PDS5B: variants seen among roughly 807,000 people sequenced by gnomAD.
PDS5B encodes the protein sister chromatid cohesion protein PDS5 homolog B.
Under a neutral mutation model 184.1 loss-of-function variants are expected in PDS5B, and 51 were observed. That is an observed-to-expected ratio of 0.28 (90% confidence interval 0.22 to 0.35). The LOEUF is 0.35. Ranked by LOEUF, PDS5B falls within the 10% of genes least tolerant of loss-of-function variation. PDS5B has a pLI of 1.00. For synonymous variants in PDS5B, 566 were observed against 569.2 expected, an observed-to-expected ratio of 0.99 and a Z score of 0.08; for missense variants, 1,180 against 1,723.3, an observed-to-expected ratio of 0.68 and a Z score of 5.58.
chr13:32,752,761 G>GTA (rs1317760474), intron 24 of PDS5B, among the ~76,000 whole-genome samples: 2 of 152,168 alleles, frequency 1.3e-5, no homozygotes, highest in Non-Finnish European at 2.9e-5. Context: ...CCTGGTTTAA[G>GTA]TATAGAAGTC....
intron 1 of PDS5B, among the ~76,000 whole-genome samples, chr13:32,640,633 T>G (rs1472534945): frequency 1.3e-5 from 2 of 152,202 alleles, no homozygotes; most frequent in African/African-American, 4.8e-5. Flanking sequence ...ATTTTTGAAC[T>G]GAATTGTTTT....
chr13:32,715,690 G>T (rs895841685), intron 19 of PDS5B, among the ~76,000 whole-genome samples: 2 of 151,618 alleles, frequency 1.3e-5, no homozygotes, highest in Non-Finnish European at 2.9e-5. Flanking sequence ...CTCTTTCCAC[G>T]GTCTCCCTCT....
At chr13:32,669,680 T>G (rs943153889) in intron 7 of PDS5B, among the ~76,000 whole-genome samples, 3 of 152,188 alleles carry the variant, frequency 2.0e-5, no homozygotes, top group Admixed American at 6.5e-5. Flanking sequence ...CTCCCCAAAC[T>G]TTCATATTAT....
At chr13:32,740,026 A>G (rs1953483775) in intron 21 of PDS5B, among the ~76,000 whole-genome samples, 1 of 152,046 alleles carries the variant, frequency 6.6e-6, no homozygotes, top group African/African-American at 2.4e-5. Flanking sequence ...GTTTATACTA[A>G]TTTAGTTTTT....
Position 32,759,264 on chromosome 13 carries a change from A to C in PDS5B, c.3310-364A>C, listed in dbSNP as rs116197602. Reference sequence around the variant, plus strand: ...CAGTTAAGACCTTACCAGTGTATAGAGATTTGGAACAGGCCTGTAGGATTG... The same window carrying C: ...CAGTTAAGACCTTACCAGTGTATAGCGATTTGGAACAGGCCTGTAGGATTG... On this transcript the variant is annotated intron_variant, in intron 28 of 34. Transcript: ENST00000315596. Among the ~76,000 whole-genome samples, 1,378 of 152,182 alleles carry C rather than the reference A, an allele frequency of 9.1e-3. 26 individuals carry two copies. The highest frequency in any genetic ancestry group is 0.032 in the African/African-American group (1,327 of 41,520).
intron 7 of PDS5B, among the ~76,000 whole-genome samples, chr13:32,672,285 TAAGGTGAAC>T (rs373673957): frequency 1.4e-5 from 2 of 138,532 alleles, no homozygotes; most frequent in African/African-American, 5.5e-5. Context: ...CCATATGTAC[TAAGGTGAAC>T]AAGCTATTAT....
intron 6 of PDS5B, among the ~76,000 whole-genome samples, chr13:32,665,988 A>G (rs1174597521): frequency 6.6e-6 from 1 of 152,190 alleles, no homozygotes; most frequent in Non-Finnish European, 1.5e-5. Context: ...GTTATCAGAG[A>G]CTGGGAAAGG....
intron 19 of PDS5B, among the ~76,000 whole-genome samples, chr13:32,714,592 T>C (rs1216212049): frequency 6.6e-6 from 1 of 152,186 alleles, no homozygotes; most frequent in Non-Finnish European, 1.5e-5. Context: ...TCCAGGTGCG[T>C]ATTCTCTTTC....
At chr13:32,659,123 TA>T (rs781082445) in intron 5 of PDS5B, 30 bp from the exon 6 acceptor site, 1 of 1,499,376 alleles carries the variant, frequency 6.7e-7, no homozygotes, top group South Asian at 1.4e-5. Context: ...ATCTCAGTTG[TA>T]ATTGAAACAA....
chr13:32,765,803 T>C (rs1335838939), intron 31 of PDS5B, among the ~76,000 whole-genome samples: 1 of 152,208 alleles, frequency 6.6e-6, no homozygotes, highest in East Asian at 1.9e-4. Context: ...GGTTTCACCA[T>C]GTTGGCCAGG....
chr13:32,708,810 G>A (rs2140890194), intron 18 of PDS5B, among the ~76,000 whole-genome samples: 1 of 151,642 alleles, frequency 6.6e-6, no homozygotes, highest in East Asian at 1.9e-4. Flanking sequence ...ATTTAAATAA[G>A]CTTTTTATTT....
chr13:32,713,078 G>C (rs1952258284), intron 19 of PDS5B, among the ~76,000 whole-genome samples: 1 of 152,152 alleles, frequency 6.6e-6, no homozygotes, highest in African/African-American at 2.4e-5. Flanking sequence ...TGTACCCATA[G>C]CTCAAGTGAC....
At chr13:32,650,011 C>T (rs1016914345) in intron 2 of PDS5B, 1 of 152,242 alleles carries the variant, frequency 6.6e-6, no homozygotes, top group South Asian at 2.1e-4. Flanking sequence ...ACTAAGTGAG[C>T]ATTCCTGTTG....
At chr13:32,602,451 T>A (rs2057991474) in intron 1 of PDS5B, among the ~76,000 whole-genome samples, 1 of 152,246 alleles carries the variant, frequency 6.6e-6, no homozygotes, top group African/African-American at 2.4e-5. Flanking sequence ...AGCTACATAG[T>A]ATTCCATGGT....
chr13:32,620,018 C>A (rs1036940723), intron 1 of PDS5B, among the ~76,000 whole-genome samples: 1 of 152,078 alleles, frequency 6.6e-6, no homozygotes, highest in Non-Finnish European at 1.5e-5. Context: ...AGGCTGGTTT[C>A]TAACTTCTGA....
chr13:32,694,352 T>A, intron 14 of PDS5B, 48 bp downstream of exon 14: 1 of 1,104,708 alleles, frequency 9.1e-7, no homozygotes, highest in Non-Finnish European at 1.4e-6. Context: ...ACATGTATTT[T>A]AATTACTATT....
At chr13:32,721,280 T>A (rs1952675359) in intron 19 of PDS5B, among the ~76,000 whole-genome samples, 1 of 148,676 alleles carries the variant, frequency 6.7e-6, no homozygotes. Context: ...GCCCCCCACC[T>A]CCCAGACGGG....
intron 19 of PDS5B, among the ~76,000 whole-genome samples, chr13:32,726,437 A>C (rs1188220704): frequency 1.3e-5 from 2 of 152,136 alleles, no homozygotes; most frequent in Non-Finnish European, 2.9e-5. Context: ...TTTGACAGTT[A>C]TCTTTGGGAG....
At chr13:32,648,927 C>A in intron 2 of PDS5B, 47 bp downstream of exon 2, 1 of 880,746 alleles carries the variant, frequency 1.1e-6, no homozygotes. Context: ...GGCAGAGGTC[C>A]CCTGTGGAAA....
Sources: gnomAD v4.1 joint callset for allele counts (sites outside exome capture counted in the v4.1 genomes callset) on GRCh38, gnomAD v4.1.1 for gene constraint, MANE v1.5 for transcripts, NCBI Gene and HGNC (gene_info 2026-07-23, HGNC 2026-07-21) for gene names.